ARHGAP21: variants seen among roughly 807,000 people sequenced by gnomAD.
ARHGAP21 encodes the protein Rho GTPase activating protein 21.
In ARHGAP21, 38 loss-of-function variants were observed where a neutral mutation model predicts 164.6. The ratio of observed to expected loss-of-function variants is 0.23; its 90% CI spans 0.18 to 0.30. The LOEUF (loss-of-function observed/expected upper bound fraction) is 0.30, where lower values mean the gene tolerates loss of function less well. Among genes scored for constraint, ARHGAP21 ranks in the 10% least tolerant of loss-of-function variants. The pLI, the probability that ARHGAP21 is intolerant of heterozygous loss-of-function variation, is 1.00. For missense variants in ARHGAP21, 1,822 were observed against 2,370.7 expected (o/e 0.77, Z 4.81); for synonymous variants, 766 against 857.9 (o/e 0.89, Z 1.87).
intron 7 of ARHGAP21, among the ~76,000 whole-genome samples, chr10:24,627,250 A>C (rs1195668472): frequency 6.6e-6 from 1 of 152,218 alleles, no homozygotes; most frequent in Non-Finnish European, 1.5e-5. Flanking sequence ...AAAAATGTTC[A>C]CATTACCCAT....
chr10:24,617,530 C>T (rs1834073264), intron 9 of ARHGAP21, among the ~76,000 whole-genome samples: 1 of 151,780 alleles, frequency 6.6e-6, no homozygotes, highest in Non-Finnish European at 1.5e-5. Flanking sequence ...TGAGCTTGGC[C>T]TTAGGGGTAT....
chr10:24,595,939 A>G lies in ARHGAP21; in HGVS notation c.3582T>C (p.Ser1194=), dbSNP rs766413681. ...TTCCCTTGTTGAGTTCTTCTTGCAT[A>G]CTTGAGATGGCTGCATTATTTCCAG... The part of the protein sequence containing the change: ...RVPGNNAAIS[S]MQEELNKGMA... Residue 1194 remains serine (S), a synonymous_variant, in exon 18 of 26, where the codon AGT becomes AGC. Coordinates refer to ENST00000396432, the MANE Select transcript of ARHGAP21 (RefSeq NM_020824.4). 84 of 1,613,478 alleles carry G rather than the reference A, an allele frequency of 5.2e-5. No homozygotes were observed. The South Asian group carries it at 7.4e-4, about 14-fold the overall frequency.
At chr10:24,655,630 C>T (rs868252256) in intron 4 of ARHGAP21, among the ~76,000 whole-genome samples, 18 of 149,578 alleles carry the variant, frequency 1.2e-4, no homozygotes, top group South Asian at 4.3e-4. Context: ...TCTGCCCGGC[C>T]GCCACCCCGT....
intron 2 of ARHGAP21, among the ~76,000 whole-genome samples, chr10:24,694,327 A>G (rs1842968178): frequency 6.6e-6 from 1 of 152,242 alleles, no homozygotes; most frequent in South Asian, 2.1e-4. Flanking sequence ...GCCAGCTTGC[A>G]AGGCGGCCCT....
intron 5 of ARHGAP21, among the ~76,000 whole-genome samples, chr10:24,634,524 A>C (rs1262361975): frequency 6.6e-6 from 1 of 152,244 alleles, no homozygotes; most frequent in Non-Finnish European, 1.5e-5. Context: ...TATCCAGCCA[A>C]TTAAGCCACA....
intron 2 of ARHGAP21, among the ~76,000 whole-genome samples, chr10:24,715,513 G>A: frequency 6.6e-6 from 1 of 152,058 alleles, no homozygotes; most frequent in East Asian, 1.9e-4. Flanking sequence ...TCTCTTAGTG[G>A]AAATTGTTTC....
At chr10:24,705,427 T>C (rs1330258927) in intron 2 of ARHGAP21, among the ~76,000 whole-genome samples, 2 of 152,260 alleles carry the variant, frequency 1.3e-5, no homozygotes, top group Admixed American at 6.5e-5. Context: ...CTGATTTCTC[T>C]GATACATTAG....
rs202211439 is a variant in ARHGAP21 at position 24,595,417 on chromosome 10, G to A, written c.3713-227C>T. On this transcript the variant is annotated intron_variant, in intron 19 of 25. Coordinates refer to ENST00000396432, the MANE Select transcript of ARHGAP21 (RefSeq NM_020824.4). The stretch of plus-strand genomic sequence containing the variant: ...AACATCTAGTAAAGTGTCTTACATG[G>A]CACTTAAATACTTGGCTTGACTGAA... Among the ~76,000 whole-genome samples, 4 of 152,124 alleles carry A rather than the reference G, an allele frequency of 2.6e-5. No homozygotes were observed. The East Asian group carries it at 5.8e-4, about 22-fold the overall frequency.
intron 6 of ARHGAP21, among the ~76,000 whole-genome samples, chr10:24,632,502 A>T (rs1466317852): frequency 6.6e-6 from 1 of 152,220 alleles, no homozygotes; most frequent in African/African-American, 2.4e-5. Context: ...AGATCAATTA[A>T]TCATGACCAT....
chr10:24,590,430 C>T (rs1163926052), intron 24 of ARHGAP21: 1 of 1,535,342 alleles, frequency 6.5e-7, no homozygotes, highest in Non-Finnish European at 8.7e-7. Context: ...TCAGGGACAT[C>T]ACAGAATCCA....
chr10:24,656,223 T>C (rs1488609476), intron 4 of ARHGAP21, among the ~76,000 whole-genome samples: 1 of 83,478 alleles, frequency 1.2e-5, no homozygotes. Flanking sequence ...GGGGGGGTCA[T>C]CCCCCCGCCC....
intron 4 of ARHGAP21, among the ~76,000 whole-genome samples, chr10:24,658,572 G>A (rs905852549): frequency 1.4e-4 from 22 of 152,192 alleles, no homozygotes; most frequent in East Asian, 5.8e-4. Context: ...GCAAACTATC[G>A]CAAGGATAGA....
chr10:24,718,800 T>C (rs907563425), intron 2 of ARHGAP21, among the ~76,000 whole-genome samples: 3 of 152,312 alleles, frequency 2.0e-5, no homozygotes, highest in Non-Finnish European at 2.9e-5. Context: ...AATAAGTTCA[T>C]TTGCATTAGT....
chr10:24,663,096 G>A (rs982250958), intron 4 of ARHGAP21, among the ~76,000 whole-genome samples: 2 of 151,958 alleles, frequency 1.3e-5, no homozygotes, highest in Middle Eastern at 3.4e-3. Context: ...ATATGTGGGC[G>A]GTCCTGGAAG....
rs1311142716 is a variant in ARHGAP21, at chr10:24,607,790, T to C, written c.2536A>G (p.Thr846Ala). The change falls in exon 10 of 26, where the codon ACA becomes GCA. Residue 846 changes from threonine to alanine, a missense_variant. Around this residue, in one of 5 missense-constraint regions of ARHGAP21, gnomAD observed 1,090 missense variants for 1,378.9 expected, o/e 0.79. Transcript: ENST00000396432. ...PSIATVPPCLTTSAPLIRRQL... is the reference protein window; with the variant it reads ...PSIATVPPCLATSAPLIRRQL... ...CGGCGAATTAATGGAGCTGAAGTTGTGAGGCAAGGAGGAACTGTTGCTATG... is the reference window on the plus strand; with the variant it reads ...CGGCGAATTAATGGAGCTGAAGTTGCGAGGCAAGGAGGAACTGTTGCTATG... 1.9e-6 allele frequency: 3 copies of C among 1,613,978 alleles called. No homozygotes were observed. Among genetic ancestry groups the C allele is most frequent in the Admixed American group, 3.3e-5 (2 of 59,986 alleles).
At chr10:24,637,488 T>C (rs1010805033) in intron 4 of ARHGAP21, among the ~76,000 whole-genome samples, 1 of 152,238 alleles carries the variant, frequency 6.6e-6, no homozygotes, top group African/African-American at 2.4e-5. Flanking sequence ...ATTTTTCCTA[T>C]TAATGTCTTC....
chr10:24,688,318 G>A (rs1327228940), intron 2 of ARHGAP21, among the ~76,000 whole-genome samples: 1 of 152,158 alleles, frequency 6.6e-6, no homozygotes, highest in Non-Finnish European at 1.5e-5. Flanking sequence ...CTTGAACCAA[G>A]GGAGGTGGAG....
chr10:24,684,093 C>G (rs1842016026), intron 2 of ARHGAP21, among the ~76,000 whole-genome samples: 1 of 152,136 alleles, frequency 6.6e-6, no homozygotes, highest in African/African-American at 2.4e-5. Flanking sequence ...TTGAGACCAG[C>G]TTGGCCAACG....
chr10:24,614,075 T>C (rs2077375580), intron 9 of ARHGAP21, among the ~76,000 whole-genome samples: 3 of 152,332 alleles, frequency 2.0e-5, no homozygotes, highest in Admixed American at 2.0e-4. Context: ...ATTTAATAAA[T>C]ATCAGCTCAC....
Sources: gnomAD v4.1 joint callset for allele counts (sites outside exome capture counted in the v4.1 genomes callset) on GRCh38, gnomAD v4.1.1 for gene constraint, gnomAD v4.1.1 regional missense constraint, MANE v1.5 for transcripts, NCBI Gene and HGNC (gene_info 2026-07-23, HGNC 2026-07-21) for gene names.